Variants in RNF138 observed in about 807,000 individuals in gnomAD.
RNF138 encodes E3 ubiquitin-protein ligase RNF138.
In RNF138, 12 loss-of-function variants were observed where a neutral mutation model predicts 31.0. The observed-to-expected ratio is 0.39, with a 90% CI of 0.25 to 0.63. RNF138 has a LOEUF of 0.63. RNF138 is among the 20% of genes least tolerant of loss of function. The pLI is 0.52. For missense variants in RNF138, 192 were observed against 300.1 expected, an observed-to-expected ratio of 0.64 and a Z score of 2.66; for synonymous variants, 105 against 99.5, an observed-to-expected ratio of 1.06 and a Z score of -0.33.
In RNF138 at chr18:32,092,009, CAG is replaced by C. The variant is rs1163601874; in HGVS notation, c.-301_-300del. 2 of 152,648 alleles carry C rather than the reference CAG, an allele frequency of 1.3e-5. No homozygotes were observed. Among genetic ancestry groups the C allele is most frequent in the Non-Finnish European group, 2.9e-5 (2 of 68,386 alleles). 9.5% of individuals were successfully genotyped at this position (152,648 alleles called of 1,614,324 possible). A position where few individuals can be genotyped will look rare whatever the true frequency, so the allele number is the denominator to read the frequency against. On this transcript the variant is annotated 5_prime_UTR_variant, in exon 1 of 8. It removes the in-frame stop codon of an upstream open reading frame in the 5' UTR. Transcript: ENST00000261593. ...GGCTGTAGGCAGCGCAATGCCAAGACAGAGCTGCTGGCGGCGGCGGGCGAATC... is the reference window on the plus strand; with the variant it reads ...GGCTGTAGGCAGCGCAATGCCAAGACAGCTGCTGGCGGCGGCGGGCGAATC...
chr18:32,130,558 T>C lies in RNF138; in HGVS notation c.*1371T>C, dbSNP rs1208949261. 1 of 152,420 alleles carries C rather than the reference T, an allele frequency of 6.6e-6. No homozygotes were observed. Among genetic ancestry groups the C allele is most frequent in the East Asian group, 1.9e-4 (1 of 5,196 alleles). 9.4% of individuals were successfully genotyped at this position (152,420 alleles called of 1,614,324 possible). A position where few individuals can be genotyped will look rare whatever the true frequency, so the allele number is the denominator to read the frequency against. On this transcript the variant is annotated 3_prime_UTR_variant, in exon 8 of 8. Transcript: ENST00000261593. ...TTGTTTATGCTTTCTTTAAAATAAC[T>C]AGAAGAACATAAAAGAAAGAGAATC...
At chr18:32,122,396 C>T (rs1260382122) in intron 4 of RNF138, 2 of 152,096 alleles carry the variant, frequency 1.3e-5, no homozygotes, top group East Asian at 3.8e-4. Flanking sequence ...AATGAATAAC[C>T]AGTTTAAGTT....
At chr18:32,121,774 T>C (rs2040309718) in intron 4 of RNF138, among the ~76,000 whole-genome samples, 1 of 152,218 alleles carries the variant, frequency 6.6e-6, no homozygotes, top group South Asian at 2.1e-4. Flanking sequence ...ACCACTCCCT[T>C]AATAAGTGCA....
At chr18:32,107,108 C>CT (rs1047175461) in intron 2 of RNF138, among the ~76,000 whole-genome samples, 14 of 136,072 alleles carry the variant, frequency 1.0e-4, no homozygotes, top group Admixed American at 9.7e-4. Context: ...ATTCACTTTC[C>CT]TTTTTTCCTT....
At chr18:32,095,041 GC>G (rs2039780320) in intron 2 of RNF138, among the ~76,000 whole-genome samples, 1 of 152,218 alleles carries the variant, frequency 6.6e-6, no homozygotes, top group South Asian at 2.1e-4. Flanking sequence ...AGACAGTTCT[GC>G]CTGAACAATG....
chr18:32,099,586 G>T (rs1398372691), intron 2 of RNF138, among the ~76,000 whole-genome samples: 3 of 152,038 alleles, frequency 2.0e-5, no homozygotes, highest in Non-Finnish European at 4.4e-5. Context: ...TGTATTTTTA[G>T]TAGAGATGGT....
intron 4 of RNF138, among the ~76,000 whole-genome samples, chr18:32,121,210 T>A (rs1387452735): frequency 6.6e-6 from 1 of 151,608 alleles, no homozygotes; most frequent in East Asian, 1.9e-4. Flanking sequence ...ATTTTTTCAA[T>A]CCTGGCCAGG....
At chr18:32,126,002 G>A (rs375156722) in intron 6 of RNF138, among the ~76,000 whole-genome samples, 1 of 152,102 alleles carries the variant, frequency 6.6e-6, no homozygotes, top group Non-Finnish European at 1.5e-5. Context: ...CATAATATTC[G>A]ATATATCATA....
intron 6 of RNF138, among the ~76,000 whole-genome samples, chr18:32,126,085 G>C (rs1199646238): frequency 6.6e-6 from 1 of 152,034 alleles, no homozygotes; most frequent in Non-Finnish European, 1.5e-5. Flanking sequence ...CAGTTTTTAA[G>C]ATGTACTTCA....
At chr18:32,115,647 A>G (rs925842024) in intron 4 of RNF138, among the ~76,000 whole-genome samples, 15 of 152,146 alleles carry the variant, frequency 9.9e-5, no homozygotes, top group African/African-American at 3.6e-4. Context: ...TGGGAGGCTT[A>G]GGCAGGAGAA....
In RNF138 at chr18:32,126,436, G is replaced by A. The variant is rs546028185; in HGVS notation, c.562-257G>A. 1.7e-3 allele frequency among the ~76,000 whole-genome samples: 264 copies of A among 152,274 alleles called. 4 individuals carry two copies. Among genetic ancestry groups the A allele is most frequent in the Middle Eastern group, 3.4e-3 (1 of 294 alleles). On this transcript the variant is annotated intron_variant, in intron 6 of 7. Coordinates refer to ENST00000261593, the MANE Select transcript of RNF138 (RefSeq NM_016271.5). ...CAGTTGGTATTATTAAAAGCTAGAT[G>A]TGGTTTTTCTGTTGAAACATTTGTG...
At position 32,097,559 on chromosome 18, in the gene RNF138, C is replaced by T. The variant is rs553739994; in HGVS notation, c.110+4673C>T. ...AGTGCAGTGGTGGGATCTTGGTTTA[C>T]TGTAACCTCCACCTCCTGGATTTAA... On this transcript the variant is annotated intron_variant, in intron 2 of 7. Coordinates refer to ENST00000261593, the MANE Select transcript of RNF138 (RefSeq NM_016271.5). Among the ~76,000 whole-genome samples, 5 of 152,212 alleles carry T rather than the reference C, an allele frequency of 3.3e-5. No homozygotes were observed. In the South Asian group the frequency reaches 1.0e-3, roughly 32 times the overall value.
chr18:32,105,868 C>T (rs929928433), intron 2 of RNF138, among the ~76,000 whole-genome samples: 1 of 152,108 alleles, frequency 6.6e-6, no homozygotes, highest in Non-Finnish European at 1.5e-5. Flanking sequence ...ACTTTTTTCC[C>T]CCTGAAAATT....
At chr18:32,104,337 C>G (rs957630643) in intron 2 of RNF138, among the ~76,000 whole-genome samples, 2 of 152,000 alleles carry the variant, frequency 1.3e-5, no homozygotes, top group Admixed American at 1.3e-4. Context: ...AAAAAATCCT[C>G]ATTAAGGGTG....
chr18:32,102,080 G>A (rs963970381), intron 2 of RNF138, among the ~76,000 whole-genome samples: 41 of 147,822 alleles, frequency 2.8e-4, no homozygotes, highest in Non-Finnish European at 5.1e-4. Context: ...AGGAGGTCTC[G>A]CTGTGTTACC....
intron 2 of RNF138, among the ~76,000 whole-genome samples, chr18:32,109,162 T>TC: frequency 6.6e-6 from 1 of 151,708 alleles, no homozygotes. Flanking sequence ...TCTTTCTTTT[T>TC]TTTTTTTTTT....
intron 6 of RNF138, among the ~76,000 whole-genome samples, chr18:32,125,955 G>GT (rs1279562678): frequency 6.6e-6 from 1 of 152,126 alleles, no homozygotes; most frequent in Non-Finnish European, 1.5e-5. Flanking sequence ...ATTTTACTTA[G>GT]TTTTATATTG....
chr18:32,110,931 T>A lies in RNF138; in HGVS notation c.111-823T>A, dbSNP rs550579387. ...GGGTAGCTGAAACTACAGGCGCCTG[T>A]CACCACGCCCGGCTAATTTTTTATA... On this transcript the variant is annotated intron_variant, in intron 2 of 7. Coordinates refer to ENST00000261593, the MANE Select transcript of RNF138 (RefSeq NM_016271.5). Among the ~76,000 whole-genome samples the A allele has an allele frequency of 1.2e-4, 19 of 152,114 alleles. No individual in the cohort carries two copies. In the South Asian group the frequency reaches 4.0e-3, roughly 32 times the overall value.
At chr18:32,111,645 C>G in intron 2 of RNF138, 109 bp from the exon 3 acceptor site, 1 of 914,812 alleles carries the variant, frequency 1.1e-6, no homozygotes, top group Non-Finnish European at 1.7e-6. Flanking sequence ...TATGAGTAGC[C>G]TAACTTATTT....
Sources: allele counts gnomAD v4.1 joint callset (sites outside exome capture counted in the v4.1 genomes callset), GRCh38; gene constraint gnomAD v4.1.1; transcripts MANE v1.5; gene names NCBI Gene and HGNC (gene_info 2026-07-23, HGNC 2026-07-21).